Variants in DYNLRB1 observed in about 807,000 individuals in gnomAD.
DYNLRB1 encodes the protein dynein light chain roadblock-type 1.
DYNLRB1 carries 6 observed loss-of-function variants against 13.5 expected under a neutral mutation model. The ratio of observed to expected loss-of-function variants is 0.44; its 90% confidence interval spans 0.24 to 0.88. DYNLRB1 has a LOEUF of 0.88. DYNLRB1 is among the 40% of genes least tolerant of loss of function. The probability of loss-of-function intolerance (pLI) is 0.21; values close to 1 mark genes in which losing one functional copy is unlikely to be tolerated. For missense variants in DYNLRB1, 93 were observed against 127.2 expected, an observed-to-expected ratio of 0.73 and a Z score of 1.29; for synonymous variants, 43 against 45.0, an observed-to-expected ratio of 0.96 and a Z score of 0.18.
At chr20:34,521,679 TG>T (rs942510015) in intron 1 of DYNLRB1, among the ~76,000 whole-genome samples, 3 of 152,148 alleles carry the variant, frequency 2.0e-5, no homozygotes, top group African/African-American at 7.2e-5. Flanking sequence ...ACTAGAGAAT[TG>T]GGGAACCTTG....
At chr20:34,518,991 C>T (rs1021414697) in intron 1 of DYNLRB1, among the ~76,000 whole-genome samples, 2 of 151,864 alleles carry the variant, frequency 1.3e-5, no homozygotes, top group African/African-American at 2.4e-5. Context: ...CTCCCGGGTT[C>T]GAGTGATTCT....
chr20:34,516,298 A>G (rs1158854828), upstream of DYNLRB1: 3 of 1,215,126 alleles, frequency 2.5e-6, no homozygotes, highest in Non-Finnish European at 3.4e-6. Flanking sequence ...AGATTTTCCA[A>G]GAATCCTGGC....
At chr20:34,520,674 C>T (rs774704847) in intron 1 of DYNLRB1, among the ~76,000 whole-genome samples, 1 of 152,154 alleles carries the variant, frequency 6.6e-6, no homozygotes, top group Non-Finnish European at 1.5e-5. Flanking sequence ...GTCTCAAACT[C>T]CTGACCTCAG....
intron 1 of DYNLRB1, among the ~76,000 whole-genome samples, chr20:34,525,874 G>T (rs1476148565): frequency 6.6e-6 from 1 of 152,168 alleles, no homozygotes. Context: ...ACAAAGTGTT[G>T]TCTTCCTGTT....
chr20:34,525,265 C>T (rs960928297), intron 1 of DYNLRB1, among the ~76,000 whole-genome samples: 2 of 152,126 alleles, frequency 1.3e-5, no homozygotes, highest in African/African-American at 4.8e-5. Flanking sequence ...GATTCTAGAC[C>T]AGTCTGGAAG....
upstream of DYNLRB1, among the ~76,000 whole-genome samples, chr20:34,516,253 G>A (rs1979152303): frequency 6.6e-6 from 1 of 152,252 alleles, no homozygotes; most frequent in Non-Finnish European, 1.5e-5. Context: ...TTAGCGCACT[G>A]CTCCTTAGCT....
intron 1 of DYNLRB1, among the ~76,000 whole-genome samples, chr20:34,524,036 T>C (rs1662644718): frequency 6.6e-6 from 1 of 152,238 alleles, no homozygotes; most frequent in Non-Finnish European, 1.5e-5. Context: ...TTACATCTTA[T>C]TCTGACAACA....
chr20:34,535,613 T>C (rs1981080850), intron 3 of DYNLRB1: 1 of 983,270 alleles, frequency 1.0e-6, no homozygotes, highest in Non-Finnish European at 1.2e-6. Flanking sequence ...TATTACTTTT[T>C]TCTCACTCTG....
rs1296575715 is a variant in DYNLRB1 at position 34,529,920 on chromosome 20, G to A, written c.79+3577G>A. 3 of 1,488,762 alleles carry A rather than the reference G, an allele frequency of 2.0e-6. No individual in the cohort carries two copies. In the South Asian group the frequency reaches 3.9e-5, roughly 19 times the overall value. The allele number at this position is 1,488,762 out of a possible 1,614,324, so 92.2% of individuals were successfully genotyped here. On this transcript the variant is annotated intron_variant, in intron 2 of 3. Transcript: ENST00000357156. ...CCCTGCTCAGGGCTGCCCCTGATCA[G>A]TTGGGTGGCCTGAGGCAACTCCTTT... is the stretch of plus-strand genomic sequence containing the variant.
intron 1 of DYNLRB1, among the ~76,000 whole-genome samples, chr20:34,517,595 A>G (rs1392925421): frequency 1.3e-5 from 2 of 150,740 alleles, no homozygotes; most frequent in Non-Finnish European, 3.0e-5. Flanking sequence ...TATTTATTAT[A>G]GAATATCCAT....
intron 1 of DYNLRB1, among the ~76,000 whole-genome samples, chr20:34,524,633 C>T (rs1038845405): frequency 3.3e-5 from 5 of 152,110 alleles, no homozygotes; most frequent in African/African-American, 1.2e-4. Context: ...CTCATACACG[C>T]ATGACCCACT....
At chr20:34,521,545 ATT>A (rs1979719159) in intron 1 of DYNLRB1, among the ~76,000 whole-genome samples, 1 of 152,044 alleles carries the variant, frequency 6.6e-6, no homozygotes, top group Non-Finnish European at 1.5e-5. Context: ...TAGTGGTCAA[ATT>A]GGTCATAGTT....
At chr20:34,528,120 G>A (rs1199303026) in intron 2 of DYNLRB1, among the ~76,000 whole-genome samples, 1 of 101,190 alleles carries the variant, frequency 9.9e-6, no homozygotes, top group South Asian at 3.3e-4. Context: ...AGACCATCCC[G>A]GCTAAAACGG....
chr20:34,526,409 G>A (rs1008375873), intron 2 of DYNLRB1, 66 bp downstream of exon 2: 8 of 1,501,156 alleles, frequency 5.3e-6, no homozygotes, highest in African/African-American at 1.4e-5. Context: ...ACACAGCATA[G>A]CACTTGCTGT....
At chr20:34,516,728 G>T in intron 1 of DYNLRB1, 1 of 1,542,410 alleles carries the variant, frequency 6.5e-7, no homozygotes, top group Non-Finnish European at 8.8e-7. Context: ...ATGGGCGAGG[G>T]GTGGGCGGCG....
chr20:34,529,775 C>T, intron 2 of DYNLRB1: 1 of 1,231,120 alleles, frequency 8.1e-7, no homozygotes, highest in Non-Finnish European at 1.0e-6. Flanking sequence ...AGAGCCCTGG[C>T]AAGCACAGAG....
intron 1 of DYNLRB1, among the ~76,000 whole-genome samples, chr20:34,519,264 T>C (rs1325193280): frequency 6.6e-6 from 1 of 152,202 alleles, no homozygotes; most frequent in East Asian, 1.9e-4. Flanking sequence ...AGAAAGTTTA[T>C]GTGGTCCCCA....
intron 1 of DYNLRB1, among the ~76,000 whole-genome samples, chr20:34,517,339 G>A (rs1210980873): frequency 6.6e-6 from 1 of 151,988 alleles, no homozygotes; most frequent in Non-Finnish European, 1.5e-5. Context: ...GCTTGTTTTT[G>A]GTTTATACAG....
intron 2 of DYNLRB1, among the ~76,000 whole-genome samples, chr20:34,528,323 A>C (rs1430592098): frequency 6.8e-6 from 1 of 148,100 alleles, no homozygotes; most frequent in Non-Finnish European, 1.5e-5. Flanking sequence ...AAAAAAAAAA[A>C]AAAAAAAAAA....
Sources: gnomAD v4.1 joint callset for allele counts (sites outside exome capture counted in the v4.1 genomes callset) on GRCh38, gnomAD v4.1.1 for gene constraint, MANE v1.5 for transcripts, NCBI Gene and HGNC (gene_info 2026-07-23, HGNC 2026-07-21) for gene names.